GPX6: variants seen among roughly 807,000 people sequenced by gnomAD.
GPX6 encodes glutathione peroxidase 6.
In GPX6, 21 loss-of-function variants were observed where a neutral mutation model predicts 20.0. The observed-to-expected ratio is 1.05, with a 90% CI of 0.74 to 1.51. The LOEUF is 1.51. Among genes scored for constraint, GPX6 ranks in the 40% most tolerant of loss-of-function variants. GPX6 has a pLI of 0.00. For missense variants in GPX6, 233 were observed against 254.7 expected, an observed-to-expected ratio of 0.91 and a Z score of 0.58; for synonymous variants, 75 against 98.0, an observed-to-expected ratio of 0.77 and a Z score of 1.38.
rs1230709384 is a variant in GPX6, at chr6:28,506,300, G to T, written c.359+12C>A. 4.7e-6 allele frequency: 7 copies of T among 1,497,684 alleles called. No homozygotes were observed. The highest frequency in any genetic ancestry group is 4.7e-6 in the Non-Finnish European group (5 of 1,073,916). The allele number at this position is 1,497,684 out of a possible 1,614,324, so 92.8% of individuals were successfully genotyped here. A position where few individuals can be genotyped will look rare whatever the true frequency, so the allele number is the denominator to read the frequency against. On this transcript the variant is annotated intron_variant, in intron 3 of 4. Coordinates refer to ENST00000361902, the MANE Select transcript of GPX6 (RefSeq NM_182701.1). ...CGACAGGGCATCTGCAGGGTCCCAT[G>T]CAAGCACTCACTTGAGACCAAGAAG...
chr6:28,505,606 C>T, intron 4 of GPX6, 97 bp downstream of exon 4: 12 of 930,844 alleles, frequency 1.3e-5, no homozygotes, highest in South Asian at 1.3e-4. Context: ...CTGAGCATCT[C>T]TTTTCCAAGG....
intron 1 of GPX6, among the ~76,000 whole-genome samples, chr6:28,513,443 C>T (rs866088628): frequency 6.6e-6 from 1 of 152,128 alleles, no homozygotes; most frequent in Non-Finnish European, 1.5e-5. Context: ...GTTTGAGCGG[C>T]GGGGAACTGA....
intron 2 of GPX6, among the ~76,000 whole-genome samples, chr6:28,509,349 G>T (rs1451569852): frequency 7.0e-6 from 1 of 143,430 alleles, no homozygotes; most frequent in African/African-American, 2.7e-5. Flanking sequence ...GCAAAACACT[G>T]CCTCTGCTAA....
chr6:28,515,674 T>G lies in GPX6; in HGVS notation c.70A>C (p.Lys24Gln). 6.2e-7 allele frequency: 1 copy of G among 1,613,888 alleles called. No individual in the cohort carries two copies. Among genetic ancestry groups the G allele is most frequent in the Non-Finnish European group, 8.5e-7 (1 of 1,179,836 alleles). The change falls in exon 1 of 5, where the codon AAG (lysine) becomes CAG (glutamine). Residue 24 changes from lysine (K) to glutamine (Q), a missense_variant. Transcript: ENST00000361902. ...ATGCTCACCTTCCTATTTTGAGGCT[T>G]TAGGGTCTGCTGAGCAAAGCCAACC... ...FLVGFAQQTL[K>Q]PQNRKVDCNK...
chr6:28,503,364 C>G lies in GPX6; in HGVS notation c.*928G>C, dbSNP rs1222621634. On this transcript the variant is annotated 3_prime_UTR_variant, in exon 5 of 5. Transcript: ENST00000361902. Reference sequence around the variant, plus strand: ...TTGAGAAAAACAAAATACTGAAGAACAAGACAAGGGAATCAAGAAAGCAGG... The same window carrying G: ...TTGAGAAAAACAAAATACTGAAGAAGAAGACAAGGGAATCAAGAAAGCAGG... 6.6e-6 allele frequency: 1 copy of G among 152,076 alleles called. No individual in the cohort carries two copies. Among genetic ancestry groups the G allele is most frequent in the Non-Finnish European group, 1.5e-5 (1 of 68,056 alleles). The allele number at this position is 152,076 out of a possible 1,614,324, so 9.4% of individuals were successfully genotyped here.
chr6:28,512,775 G>C (rs188483042), intron 1 of GPX6, among the ~76,000 whole-genome samples: 1 of 152,116 alleles, frequency 6.6e-6, no homozygotes. Flanking sequence ...CACTCCTGAA[G>C]CCAGCGAGAC....
intron 2 of GPX6, among the ~76,000 whole-genome samples, chr6:28,508,684 G>A (rs1762831125): frequency 6.6e-6 from 1 of 152,002 alleles, no homozygotes; most frequent in South Asian, 2.1e-4. Context: ...ATATGCACCT[G>A]TAGTCCCAGC....
chr6:28,512,946 C>G (rs762045979), intron 1 of GPX6, among the ~76,000 whole-genome samples: 1 of 152,156 alleles, frequency 6.6e-6, no homozygotes, highest in Non-Finnish European at 1.5e-5. Flanking sequence ...TGAACACATC[C>G]GAACATCAGA....
At chr6:28,512,917 C>T (rs1397955829) in intron 1 of GPX6, among the ~76,000 whole-genome samples, 1 of 152,080 alleles carries the variant, frequency 6.6e-6, no homozygotes, top group African/African-American at 2.4e-5. Flanking sequence ...ACCACAAACC[C>T]GCCAGAAGGA....
chr6:28,513,045 T>A (rs1023801035), intron 1 of GPX6, among the ~76,000 whole-genome samples: 3 of 152,146 alleles, frequency 2.0e-5, no homozygotes, highest in African/African-American at 7.2e-5. Context: ...TTGAACACAG[T>A]AGGAGCACAC....
intron 2 of GPX6, among the ~76,000 whole-genome samples, chr6:28,509,141 A>G (rs185383262): frequency 6.6e-6 from 1 of 152,336 alleles, no homozygotes; most frequent in African/African-American, 2.4e-5. Context: ...CTGAAAATCC[A>G]TTAAGAAAAA....
intron 1 of GPX6, among the ~76,000 whole-genome samples, chr6:28,515,332 G>A (rs1763005044): frequency 6.6e-6 from 1 of 152,146 alleles, no homozygotes; most frequent in African/African-American, 2.4e-5. Context: ...CCAAGTTATG[G>A]ACCAGCATGA....
intron 2 of GPX6, among the ~76,000 whole-genome samples, chr6:28,507,192 G>A (rs984873468): frequency 6.6e-6 from 1 of 152,166 alleles, no homozygotes; most frequent in Non-Finnish European, 1.5e-5. Context: ...GCTATTTTCA[G>A]GTAAGATTTA....
At position 28,515,785 on chromosome 6, in the gene GPX6, G is replaced by T. The variant is rs1183869482; in HGVS notation, c.-42C>A. Reference sequence around the variant, plus strand: ...CGACTCTGAGGTCCCCAGGATTTCAGCCCCTTTTGAGCCCCTGGCAGGGAC... The same window carrying T: ...CGACTCTGAGGTCCCCAGGATTTCATCCCCTTTTGAGCCCCTGGCAGGGAC... On this transcript the variant is annotated 5_prime_UTR_variant, in exon 1 of 5. The change creates a new upstream start codon in the 5' untranslated region. Coordinates refer to ENST00000361902, the MANE Select transcript of GPX6 (RefSeq NM_182701.1). 1.3e-6 allele frequency: 2 copies of T among 1,547,752 alleles called. No homozygotes were observed. The highest frequency in any genetic ancestry group is 3.3e-5 in the Admixed American group (2 of 59,820).
At chr6:28,512,900 C>T (rs1189201659) in intron 1 of GPX6, among the ~76,000 whole-genome samples, 1 of 152,128 alleles carries the variant, frequency 6.6e-6, no homozygotes, top group African/African-American at 2.4e-5. Context: ...ACTCTTGAGC[C>T]AGCAAGACCA....
At chr6:28,507,366 A>G (rs2113599037) in intron 2 of GPX6, among the ~76,000 whole-genome samples, 1 of 152,322 alleles carries the variant, frequency 6.6e-6, no homozygotes, top group East Asian at 1.9e-4. Flanking sequence ...GCCATCAAGA[A>G]TATTTCCTTT....
At chr6:28,510,514 A>G (rs1762852793) in intron 2 of GPX6, among the ~76,000 whole-genome samples, 1 of 152,192 alleles carries the variant, frequency 6.6e-6, no homozygotes, top group African/African-American at 2.4e-5. Context: ...CAACTTGTTC[A>G]ACTGCAAGTG....
Position 28,513,161 on chromosome 6 carries a change from A to T in GPX6, c.88-2257T>A, listed in dbSNP as rs150895417. 1.3e-3 allele frequency among the ~76,000 whole-genome samples: 203 copies of T among 152,220 alleles called. 1 individual carries two copies. Among genetic ancestry groups the T allele is most frequent in the African/African-American group, 4.4e-3 (183 of 41,542 alleles). On this transcript the variant is annotated intron_variant, in intron 1 of 4. Coordinates refer to ENST00000361902, the MANE Select transcript of GPX6 (RefSeq NM_182701.1). ...TGATGAGAGCTACTTCCACTTAATA[A>T]AACCTTGCACTTATTCTCCATGCCC...
In GPX6 at chr6:28,504,053, T is replaced by A; in HGVS notation, c.*239A>T. 3.9e-6 allele frequency: 2 copies of A among 514,108 alleles called. No individual in the cohort carries two copies. The highest frequency in any genetic ancestry group is 6.9e-6 in the Non-Finnish European group (2 of 288,836). 31.8% of individuals were successfully genotyped at this position (514,108 alleles called of 1,614,324 possible). The stretch of plus-strand genomic sequence containing the variant: ...CACACACACACACACACACACACCA[T>A]ACATACACCTATGCATATACCAACA... On this transcript the variant is annotated 3_prime_UTR_variant, in exon 5 of 5. Coordinates refer to ENST00000361902, the MANE Select transcript of GPX6 (RefSeq NM_182701.1).
Sources: gnomAD v4.1 joint callset for allele counts (sites outside exome capture counted in the v4.1 genomes callset) on GRCh38, gnomAD v4.1.1 for gene constraint, MANE v1.5 for transcripts, NCBI Gene and HGNC (gene_info 2026-07-23, HGNC 2026-07-21) for gene names.